Variants in SYNE2 observed in about 807,000 individuals in gnomAD.
The protein encoded by SYNE2 is nesprin-2.
A neutral mutation model predicts 856.3 loss-of-function variants in SYNE2; 431 were observed. That is an observed-to-expected ratio of 0.50 (90% confidence interval 0.47 to 0.55). The LOEUF (loss-of-function observed/expected upper bound fraction) is 0.55. Among genes scored for constraint, SYNE2 ranks in the 20% least tolerant of loss-of-function variants. SYNE2 has a pLI of 0.00. For synonymous variants in SYNE2, 2,923 were observed against 2,872.3 expected (o/e 1.02, Z -0.56); for missense variants, 8,129 against 8,023.2 (o/e 1.01, Z -0.50).
chr14:64,105,563 T>C (rs927949584), intron 64 of SYNE2, among the ~76,000 whole-genome samples: 1 of 152,236 alleles, frequency 6.6e-6, no homozygotes, highest in Admixed American at 6.5e-5. Flanking sequence ...GGTTAATTTG[T>C]CCAAGATCAT....
At chr14:63,818,504 G>A (rs544596744) in intron 1 of SYNE2, among the ~76,000 whole-genome samples, 16 of 152,128 alleles carry the variant, frequency 1.1e-4, no homozygotes, top group Admixed American at 2.6e-4. Context: ...GCAACAGAAC[G>A]AGACCCTGTC....
intron 50 of SYNE2, among the ~76,000 whole-genome samples, 198 bp from the exon 51 acceptor site, chr14:64,065,234 C>A (rs1412780447): frequency 1.3e-5 from 2 of 152,080 alleles, no homozygotes; most frequent in African/African-American, 4.8e-5. Context: ...TCCCTGTAAT[C>A]CCAAATTCAT....
intron 1 of SYNE2, among the ~76,000 whole-genome samples, chr14:63,881,160 G>A (rs1349252414): frequency 2.7e-5 from 4 of 145,504 alleles, no homozygotes; most frequent in South Asian, 4.7e-4. Context: ...TTTTTTTTTT[G>A]TAGAGACAGG....
intron 32 of SYNE2, among the ~76,000 whole-genome samples, chr14:64,016,000 A>G (rs1279320906): frequency 1.3e-5 from 2 of 152,064 alleles, no homozygotes; most frequent in Non-Finnish European, 2.9e-5. Flanking sequence ...ATAAAGTAGC[A>G]TTTTTGCCTT....
intron 89 of SYNE2, among the ~76,000 whole-genome samples, chr14:64,164,304 GT>G (rs2098356728): frequency 6.6e-6 from 1 of 151,982 alleles, no homozygotes; most frequent in Admixed American, 6.6e-5. Flanking sequence ...TAGAGACAGG[GT>G]TTCACCATGT....
rs750106704 is a variant in SYNE2, at chr14:64,167,374, C to G, written c.16747C>G (p.Leu5583Val). The G allele has an allele frequency of 6.2e-7, 1 of 1,614,208 alleles. No individual in the cohort carries two copies. The highest frequency in any genetic ancestry group is 1.1e-5 in the South Asian group (1 of 91,086). ...ATGGATTCGGGCCACGGCCACGGCA[C>G]TGGAGCGCTGCAGGTTAGAACATCC... is the stretch of plus-strand genomic sequence containing the variant. ...RQWIRATATA[L>V]ERCSELQGIG... Residue 5583 changes from leucine (L) to valine (V), a missense_variant, in exon 91 of 116, where the codon CTG (leucine) becomes GTG (valine). Leu to Val is a conservative substitution (Grantham distance 32). This residue lies in a region of SYNE2 where 5,410 missense variants were observed against 5,284.8 expected (regional missense o/e 1.02). Coordinates refer to ENST00000555002, the MANE Select transcript of SYNE2 (RefSeq NM_182914.3).
intron 98 of SYNE2, among the ~76,000 whole-genome samples, chr14:64,189,626 T>C (rs1332539521): frequency 6.6e-6 from 1 of 152,258 alleles, no homozygotes; most frequent in Non-Finnish European, 1.5e-5. Context: ...TATTTTGCTT[T>C]TGCCTGATGC....
chr14:63,983,940 T>A, intron 18 of SYNE2, 54 bp downstream of exon 18: 1 of 1,346,790 alleles, frequency 7.4e-7, no homozygotes, highest in Non-Finnish European at 1.0e-6. Context: ...AATTTAACTT[T>A]GCTATTAAAA....
intron 49 of SYNE2, among the ~76,000 whole-genome samples, chr14:64,061,480 G>A (rs990853498): frequency 1.3e-5 from 2 of 152,276 alleles, no homozygotes; most frequent in East Asian, 1.9e-4. Flanking sequence ...ACTCAAACCA[G>A]CAGCATATAA....
Position 64,167,107 on chromosome 14 carries a change from A to C in SYNE2, c.16606-126A>C, listed in dbSNP as rs540845637. 50 of 1,183,348 alleles carry C rather than the reference A, an allele frequency of 4.2e-5. No individual in the cohort carries two copies. The African/African-American group carries it at 7.5e-4, about 18-fold the overall frequency. 73.3% of individuals were successfully genotyped at this position (1,183,348 alleles called of 1,614,324 possible). ...CACTCTAACATTAGCAAGCTGTTTG[A>C]CTGTGGGCAAGTCATTTGCCTGTTC... On this transcript the variant is annotated intron_variant, in intron 90 of 115. Coordinates refer to ENST00000555002, the MANE Select transcript of SYNE2 (RefSeq NM_182914.3).
intron 1 of SYNE2, among the ~76,000 whole-genome samples, chr14:63,872,804 A>G (rs1226807396): frequency 6.7e-6 from 1 of 150,156 alleles, no homozygotes; most frequent in Non-Finnish European, 1.5e-5. Context: ...TTAATATTAC[A>G]GTTTTACTGT....
At chr14:63,931,378 C>T (rs1292966704) in intron 2 of SYNE2, among the ~76,000 whole-genome samples, 3 of 151,772 alleles carry the variant, frequency 2.0e-5, no homozygotes, top group Admixed American at 1.3e-4. Context: ...GGTGAAACCC[C>T]GTCTGTACTA....
chr14:63,788,312 TGCA>T (rs1887613427), intron 1 of SYNE2, among the ~76,000 whole-genome samples: 1 of 152,060 alleles, frequency 6.6e-6, no homozygotes, highest in Non-Finnish European at 1.5e-5. Flanking sequence ...GGAGGGCAGC[TGCA>T]GCTGCAGCTG....
chr14:64,222,346 T>TGTGCTTA (rs2098698426), intron 112 of SYNE2, among the ~76,000 whole-genome samples: 1 of 152,182 alleles, frequency 6.6e-6, no homozygotes, highest in Non-Finnish European at 1.5e-5. Flanking sequence ...CACTGTCTAA[T>TGTGCTTA]AACCTCATGT....
intron 89 of SYNE2, 55 bp downstream of exon 89, chr14:64,163,636 C>G: frequency 6.2e-7 from 1 of 1,600,490 alleles, no homozygotes; most frequent in Non-Finnish European, 8.5e-7. Flanking sequence ...ATTCCATCCT[C>G]AATCCCTTGT....
chr14:64,098,229 G>T, intron 62 of SYNE2, 83 bp downstream of exon 62: 1 of 1,464,022 alleles, frequency 6.8e-7, no homozygotes, highest in Non-Finnish European at 9.5e-7. Context: ...ACGACCTGTG[G>T]CATCTATGTC....
In SYNE2 at chr14:64,125,228, T is replaced by C. The variant is rs199787379; in HGVS notation, c.13554+18T>C. The C allele has an allele frequency of 3.5e-5, 57 of 1,613,930 alleles. No individual in the cohort carries two copies. The Middle Eastern group carries it at 9.9e-4, about 28-fold the overall frequency. ...AGACACAGGTAGAAGCTGCACACAA[T>C]GTGTTTTCCTCATTGTAATAACATA... On this transcript the variant is annotated intron_variant, in intron 71 of 115. Transcript: ENST00000555002.
chr14:63,999,626 A>G (rs1050019952), intron 27 of SYNE2, among the ~76,000 whole-genome samples: 7 of 152,236 alleles, frequency 4.6e-5, no homozygotes, highest in Non-Finnish European at 1.0e-4. Flanking sequence ...GAAGCAATCT[A>G]TTAGTGGTTG....
chr14:64,140,380 C>T (rs1289606684), intron 80 of SYNE2, among the ~76,000 whole-genome samples: 6 of 152,110 alleles, frequency 3.9e-5, no homozygotes, highest in Admixed American at 6.5e-5. Flanking sequence ...ATCGGGATTT[C>T]GATACCAGCC....
Sources: allele counts gnomAD v4.1 joint callset (sites outside exome capture counted in the v4.1 genomes callset), GRCh38; gene constraint gnomAD v4.1.1; regional missense constraint gnomAD v4.1.1; transcripts MANE v1.5; gene names NCBI Gene and HGNC (gene_info 2026-07-23, HGNC 2026-07-21).